Variants in SLC2A13 observed in about 807,000 individuals in gnomAD.
The protein encoded by SLC2A13 is proton myo-inositol cotransporter.
Under a neutral mutation model 64.4 loss-of-function variants are expected in SLC2A13, and 32 were observed. That is an observed-to-expected ratio of 0.50 (90% CI 0.37 to 0.67). SLC2A13 has a LOEUF of 0.67. Ranked by LOEUF, SLC2A13 falls within the 30% of genes least tolerant of loss-of-function variation. The pLI is 0.00. For synonymous variants in SLC2A13, 338 were observed against 327.1 expected, an observed-to-expected ratio of 1.03 and a Z score of -0.36; for missense variants, 743 against 829.2, an observed-to-expected ratio of 0.90 and a Z score of 1.28.
intron 2 of SLC2A13, among the ~76,000 whole-genome samples, chr12:40,032,415 A>G (rs1947919230): frequency 6.6e-6 from 1 of 152,234 alleles, no homozygotes; most frequent in African/African-American, 2.4e-5. Flanking sequence ...CTAAACTTAC[A>G]GTTACAAAAT....
chr12:40,031,773 A>T (rs1348105414), intron 2 of SLC2A13, among the ~76,000 whole-genome samples: 5 of 152,160 alleles, frequency 3.3e-5, no homozygotes, highest in African/African-American at 4.8e-5. Flanking sequence ...TGCAGACTGG[A>T]GAATAGGAAA....
chr12:39,848,276 G>C (rs1207842746), intron 6 of SLC2A13, among the ~76,000 whole-genome samples: 1 of 152,028 alleles, frequency 6.6e-6, no homozygotes, highest in Non-Finnish European at 1.5e-5. Flanking sequence ...TACAAACTAT[G>C]CATCTGACAA....
intron 3 of SLC2A13, among the ~76,000 whole-genome samples, chr12:39,987,824 T>G (rs1453792410): frequency 6.6e-6 from 1 of 152,158 alleles, no homozygotes; most frequent in African/African-American, 2.4e-5. Context: ...TTTGTATTAT[T>G]ATTCTATCAA....
At chr12:39,894,730 G>A (rs1944696721) in intron 4 of SLC2A13, among the ~76,000 whole-genome samples, 1 of 152,112 alleles carries the variant, frequency 6.6e-6, no homozygotes, top group Admixed American at 6.6e-5. Context: ...CAAAAGGCTA[G>A]GTTCATTGGT....
intron 3 of SLC2A13, among the ~76,000 whole-genome samples, chr12:39,972,550 T>A (rs749841072): frequency 2.0e-5 from 3 of 152,170 alleles, no homozygotes; most frequent in African/African-American, 4.8e-5. Flanking sequence ...TGGATGTTGA[T>A]CATACTCTTT....
intron 1 of SLC2A13, among the ~76,000 whole-genome samples, chr12:40,101,025 TG>T (rs1476458022): frequency 6.9e-6 from 1 of 144,988 alleles, no homozygotes; most frequent in Non-Finnish European, 1.5e-5. Flanking sequence ...ATTTCTGGGA[TG>T]GAAAACGTAT....
At chr12:39,870,012 C>G (rs1215611115) in intron 5 of SLC2A13, among the ~76,000 whole-genome samples, 1 of 152,118 alleles carries the variant, frequency 6.6e-6, no homozygotes, top group Non-Finnish European at 1.5e-5. Flanking sequence ...TCACACTATT[C>G]AAATCCAAAC....
In SLC2A13 at chr12:40,105,835, G is replaced by A. The variant is rs1342643130; in HGVS notation, c.-27C>T. On this transcript the variant is annotated 5_prime_UTR_variant, in exon 1 of 10. Coordinates refer to ENST00000280871, the MANE Select transcript of SLC2A13 (RefSeq NM_052885.4). This position sits in a 1 kb window ranked among gnomAD's most constrained non-coding sequence, Gnocchi z 4.2. Reference sequence around the variant, plus strand: ...GGGCAGGGGCCCGGGGCTGCCCGGGGGGACGCGGCTCCGCGGGCCGGCAGT... The same window carrying A: ...GGGCAGGGGCCCGGGGCTGCCCGGGAGGACGCGGCTCCGCGGGCCGGCAGT... The A allele has an allele frequency of 7.2e-7, 1 of 1,390,010 alleles. No homozygotes were observed. Among genetic ancestry groups the A allele is most frequent in the Non-Finnish European group, 9.3e-7 (1 of 1,073,096 alleles). The allele number at this position is 1,390,010 out of a possible 1,614,324, so 86.1% of individuals were successfully genotyped here. A position where few individuals can be genotyped will look rare whatever the true frequency, so the allele number is the denominator to read the frequency against.
chr12:39,872,226 T>C (rs746296324), intron 4 of SLC2A13, among the ~76,000 whole-genome samples: 12 of 152,154 alleles, frequency 7.9e-5, no homozygotes, highest in Non-Finnish European at 1.5e-4. Context: ...GTGATGCACA[T>C]CCCACAACTA....
chr12:39,815,853 T>C lies in SLC2A13; in HGVS notation c.1445+14250A>G, dbSNP rs376159421. On this transcript the variant is annotated intron_variant, in intron 7 of 9. Transcript: ENST00000280871. ...ACAACATTCTATAAAAGAGATCCAA[T>C]TGTCAAATAAATATAGCCAAATAAA... 2.6e-4 allele frequency among the ~76,000 whole-genome samples: 39 copies of C among 152,328 alleles called. No homozygotes were observed. In the East Asian group the frequency reaches 5.6e-3, roughly 22 times the overall value.
intron 6 of SLC2A13, among the ~76,000 whole-genome samples, chr12:39,857,063 T>A (rs1416684224): frequency 6.6e-6 from 1 of 152,242 alleles, no homozygotes; most frequent in Non-Finnish European, 1.5e-5. Context: ...GTTGGTTTCA[T>A]GTGTTCACTG....
At chr12:39,896,250 A>G (rs1205477198) in intron 4 of SLC2A13, among the ~76,000 whole-genome samples, 3 of 99,822 alleles carry the variant, frequency 3.0e-5, no homozygotes, top group African/African-American at 1.1e-4. Context: ...ATATGTATAC[A>G]TGTATGTATA....
intron 4 of SLC2A13, among the ~76,000 whole-genome samples, chr12:39,905,980 C>T (rs754612842): frequency 3.3e-5 from 5 of 151,694 alleles, no homozygotes; most frequent in Non-Finnish European, 7.4e-5. Flanking sequence ...ATTTTGTTTC[C>T]CTATTGAAAT....
chr12:39,867,357 A>G (rs755904251), intron 5 of SLC2A13, among the ~76,000 whole-genome samples: 24 of 152,224 alleles, frequency 1.6e-4, no homozygotes, highest in Non-Finnish European at 2.8e-4. Context: ...ATATCCAGTA[A>G]GGTCCAATTC....
chr12:40,041,855 C>T (rs778258342), intron 2 of SLC2A13, among the ~76,000 whole-genome samples: 1 of 152,206 alleles, frequency 6.6e-6, no homozygotes, highest in Admixed American at 6.5e-5. Flanking sequence ...ATAATAAATT[C>T]CCTTTGCCTG....
intron 2 of SLC2A13, among the ~76,000 whole-genome samples, chr12:40,036,371 T>C (rs966462213): frequency 1.3e-5 from 2 of 152,210 alleles, no homozygotes; most frequent in Admixed American, 6.5e-5. Flanking sequence ...GGTGTAACCA[T>C]TCTGAATTTT....
chr12:40,055,757 T>C (rs943432204), intron 1 of SLC2A13, among the ~76,000 whole-genome samples: 24 of 152,156 alleles, frequency 1.6e-4, no homozygotes, highest in African/African-American at 5.8e-4. Context: ...CACTCATAGA[T>C]AACCACTGTT....
chr12:39,900,782 C>A (rs1201925169), intron 4 of SLC2A13, among the ~76,000 whole-genome samples: 1 of 152,124 alleles, frequency 6.6e-6, no homozygotes, highest in Non-Finnish European at 1.5e-5. Flanking sequence ...TTTATAGATT[C>A]AATGCCATCC....
intron 2 of SLC2A13, among the ~76,000 whole-genome samples, chr12:40,031,234 AT>A (rs1947898322): frequency 6.6e-6 from 1 of 151,490 alleles, no homozygotes; most frequent in African/African-American, 2.4e-5. Flanking sequence ...TTATTTATTT[AT>A]TTTTTTAGAT....
Sources: allele counts gnomAD v4.1 joint callset (sites outside exome capture counted in the v4.1 genomes callset), GRCh38; gene constraint gnomAD v4.1.1; non-coding constraint Gnocchi (gnomAD v3.1); transcripts MANE v1.5; gene names NCBI Gene and HGNC (gene_info 2026-07-23, HGNC 2026-07-21).